The following CACNB4 variants were observed in gnomAD, a reference collection of about 807,000 sequenced individuals.
CACNB4 encodes voltage-dependent L-type calcium channel subunit beta-4.
A neutral mutation model predicts 71.2 loss-of-function variants in CACNB4; 32 were observed. That is an observed-to-expected ratio of 0.45 (90% confidence interval 0.34 to 0.60). The LOEUF (loss-of-function observed/expected upper bound fraction) is 0.60, where lower values mean the gene tolerates loss of function less well. CACNB4 is among the 20% of genes least tolerant of loss of function. The probability of loss-of-function intolerance (pLI) is 0.01; values close to 1 mark genes in which losing one functional copy is unlikely to be tolerated. For missense variants in CACNB4, 464 were observed against 647.9 expected (o/e 0.72, Z 3.08); for synonymous variants, 231 against 236.9 (o/e 0.97, Z 0.23).
chr2:151,922,850 G>C (rs1403872560), intron 2 of CACNB4, among the ~76,000 whole-genome samples: 1 of 152,196 alleles, frequency 6.6e-6, no homozygotes, highest in Non-Finnish European at 1.5e-5. Flanking sequence ...AAAACATTGA[G>C]TTGATTCCTA....
chr2:152,037,512 A>G (rs1456298336), intron 2 of CACNB4, among the ~76,000 whole-genome samples: 1 of 152,240 alleles, frequency 6.6e-6, no homozygotes, highest in Non-Finnish European at 1.5e-5. Flanking sequence ...GACTTGTTTT[A>G]AGGTATTTCA....
intron 2 of CACNB4, among the ~76,000 whole-genome samples, chr2:152,070,164 T>C (rs887593423): frequency 6.6e-6 from 1 of 152,144 alleles, no homozygotes; most frequent in Non-Finnish European, 1.5e-5. Flanking sequence ...TATTTACAGC[T>C]AAACAAGCAA....
chr2:151,950,444 A>G (rs12618445), intron 2 of CACNB4, among the ~76,000 whole-genome samples: 13,105 of 152,248 alleles, frequency 0.086, 1,555 homozygotes, highest in East Asian at 0.58. Flanking sequence ...GAGAACAACC[A>G]TATGTCCCAG....
At chr2:152,092,640 A>C (rs1688037601) in intron 2 of CACNB4, among the ~76,000 whole-genome samples, 1 of 152,094 alleles carries the variant, frequency 6.6e-6, no homozygotes, top group East Asian at 1.9e-4. Flanking sequence ...AATGCATTTC[A>C]AATGAATGTC....
chr2:152,069,146 A>T (rs2105363703), intron 2 of CACNB4, among the ~76,000 whole-genome samples: 1 of 152,262 alleles, frequency 6.6e-6, no homozygotes, highest in East Asian at 1.9e-4. Context: ...GACATTTCTG[A>T]TCCACATTTC....
Position 151,835,751 on chromosome 2 carries a change from CAA to C in CACNB4, c.*3366_*3367del, listed in dbSNP as rs2099834759. ...TATTATGAATTTTAAGGCCCCCACA[CAA>C]AAGACAAGTTCAAGTATGCAGGTAT... On this transcript the variant is annotated 3_prime_UTR_variant, in exon 14 of 14. Coordinates refer to ENST00000539935, the MANE Select transcript of CACNB4 (RefSeq NM_000726.5). 1.3e-5 allele frequency: 2 copies of C among 151,686 alleles called. No individual in the cohort carries two copies. The highest frequency in any genetic ancestry group is 3.0e-5 in the Non-Finnish European group (2 of 67,684). 9.4% of individuals were successfully genotyped at this position (151,686 alleles called of 1,614,324 possible).
chr2:151,934,706 G>A (rs2099862497), intron 2 of CACNB4, among the ~76,000 whole-genome samples: 1 of 152,074 alleles, frequency 6.6e-6, no homozygotes, highest in South Asian at 2.1e-4. Context: ...GCATGGTGGT[G>A]CACACCTGTA....
chr2:152,081,452 G>C (rs556703135), intron 2 of CACNB4, among the ~76,000 whole-genome samples: 1 of 151,922 alleles, frequency 6.6e-6, no homozygotes, highest in African/African-American at 2.4e-5. Context: ...AGGAGTTCAA[G>C]TTCAGCCTGG....
chr2:151,870,882 C>T (rs978020543), intron 6 of CACNB4, 21 bp from the exon 7 acceptor site: 33 of 1,581,718 alleles, frequency 2.1e-5, no homozygotes, highest in African/African-American at 2.7e-5. Flanking sequence ...ATAACGAGAG[C>T]CATATCAAAA....
At chr2:152,021,018 T>A (rs544202723) in intron 2 of CACNB4, among the ~76,000 whole-genome samples, 1 of 152,232 alleles carries the variant, frequency 6.6e-6, no homozygotes, top group Admixed American at 6.5e-5. Flanking sequence ...TTTGGGAGGC[T>A]GAGGCGGGTG....
At chr2:152,087,282 A>C (rs1213794814) in intron 2 of CACNB4, among the ~76,000 whole-genome samples, 10 of 151,292 alleles carry the variant, frequency 6.6e-5, no homozygotes, top group Admixed American at 6.6e-4. Flanking sequence ...AAATACAAAA[A>C]TTAGCCAGGC....
At chr2:152,060,828 C>G (rs898267903) in intron 2 of CACNB4, among the ~76,000 whole-genome samples, 1 of 151,936 alleles carries the variant, frequency 6.6e-6, no homozygotes, top group Non-Finnish European at 1.5e-5. Context: ...TATCAAATAA[C>G]AAAACAATAC....
intron 2 of CACNB4, among the ~76,000 whole-genome samples, chr2:151,935,526 T>C (rs2099862720): frequency 6.6e-6 from 1 of 152,228 alleles, no homozygotes; most frequent in Non-Finnish European, 1.5e-5. Context: ...AAAAACAGCC[T>C]AAATACAACC....
intron 2 of CACNB4, among the ~76,000 whole-genome samples, chr2:151,980,422 C>A (rs754514825): frequency 6.6e-6 from 1 of 152,180 alleles, no homozygotes; most frequent in Non-Finnish European, 1.5e-5. Flanking sequence ...GAGCCCCTTG[C>A]CTAGAGCCCC....
At chr2:151,999,410 A>G (rs957310309) in intron 2 of CACNB4, among the ~76,000 whole-genome samples, 2 of 151,140 alleles carry the variant, frequency 1.3e-5, no homozygotes, top group African/African-American at 2.4e-5. Flanking sequence ...CTTTGGGGGA[A>G]TCATTTCAGT....
chr2:151,926,747 C>T (rs1258984770), intron 2 of CACNB4, among the ~76,000 whole-genome samples: 5 of 152,184 alleles, frequency 3.3e-5, no homozygotes, highest in Admixed American at 2.6e-4. Flanking sequence ...TTCAAATTTA[C>T]AGTAATTACT....
chr2:152,092,051 G>A (rs1280934929), intron 2 of CACNB4, among the ~76,000 whole-genome samples: 1 of 152,146 alleles, frequency 6.6e-6, no homozygotes, highest in Non-Finnish European at 1.5e-5. Flanking sequence ...GTTTATTCAG[G>A]GATAAAGTGG....
At chr2:152,038,520 G>A (rs927988397) in intron 2 of CACNB4, among the ~76,000 whole-genome samples, 10 of 152,212 alleles carry the variant, frequency 6.6e-5, no homozygotes, top group African/African-American at 2.2e-4. Context: ...CTGGCTGGGA[G>A]ATGGAAGAGG....
intron 2 of CACNB4, among the ~76,000 whole-genome samples, chr2:151,911,334 C>T (rs1400831646): frequency 6.6e-6 from 1 of 152,152 alleles, no homozygotes; most frequent in African/African-American, 2.4e-5. Context: ...ACTTCAAATA[C>T]TATGTTGGAT....
Sources: allele counts gnomAD v4.1 joint callset (sites outside exome capture counted in the v4.1 genomes callset), GRCh38; gene constraint gnomAD v4.1.1; transcripts MANE v1.5; gene names NCBI Gene and HGNC (gene_info 2026-07-23, HGNC 2026-07-21).